Variants in COL4A2 observed in about 807,000 individuals in gnomAD.
COL4A2 encodes the protein collagen alpha-2(IV) chain.
In COL4A2, 99 loss-of-function variants were observed where a neutral mutation model predicts 200.2. The ratio of observed to expected loss-of-function variants is 0.49; its 90% CI spans 0.42 to 0.58. The LOEUF is 0.58. Among genes scored for constraint, COL4A2 ranks in the 20% least tolerant of loss-of-function variants. The pLI, the probability that COL4A2 is intolerant of heterozygous loss-of-function variation, is 0.00. For missense variants in COL4A2, 1,950 were observed against 2,314.1 expected, an observed-to-expected ratio of 0.84 and a Z score of 3.23; for synonymous variants, 897 against 900.6, an observed-to-expected ratio of 1.00 and a Z score of 0.07.
chr13:110,393,104 A>T (rs536728853), intron 4 of COL4A2, among the ~76,000 whole-genome samples: 11 of 152,326 alleles, frequency 7.2e-5, no homozygotes, highest in Admixed American at 5.2e-4. Context: ...GTGGTGCTGA[A>T]GGCAACAGTA....
chr13:110,320,195 C>T (rs1471364510), intron 3 of COL4A2, among the ~76,000 whole-genome samples: 1 of 152,202 alleles, frequency 6.6e-6, no homozygotes, highest in Non-Finnish European at 1.5e-5. Flanking sequence ...AGGAACAGTC[C>T]TAACCCATTA....
intron 4 of COL4A2, among the ~76,000 whole-genome samples, chr13:110,391,946 G>A (rs1051476748): frequency 6.6e-6 from 1 of 152,082 alleles, no homozygotes; most frequent in Non-Finnish European, 1.5e-5. Context: ...CTGCCCCCAC[G>A]TGTCTTGCAC....
chr13:110,482,213 C>G (rs1379764155), intron 31 of COL4A2, among the ~76,000 whole-genome samples: 1 of 152,252 alleles, frequency 6.6e-6, no homozygotes, highest in Admixed American at 6.5e-5. Flanking sequence ...CTTGATGGGC[C>G]TGTGGGCCAG....
At chr13:110,343,512 G>T (rs192519617) in intron 3 of COL4A2, among the ~76,000 whole-genome samples, 1 of 151,888 alleles carries the variant, frequency 6.6e-6, no homozygotes, top group Non-Finnish European at 1.5e-5. Flanking sequence ...GAGAAAGGGC[G>T]GGGCAGAAAT....
At chr13:110,468,331 C>G (rs746771433) in intron 27 of COL4A2, 2 of 462,418 alleles carry the variant, frequency 4.3e-6, no homozygotes, top group South Asian at 1.6e-5. Context: ...CTAATTCCAT[C>G]CATGGATTTC....
chr13:110,458,966 G>A (rs945264970), intron 22 of COL4A2, 32 bp downstream of exon 22: 9 of 1,507,580 alleles, frequency 6.0e-6, no homozygotes, highest in African/African-American at 1.4e-5. Flanking sequence ...AAGCTGGCAA[G>A]ACACTCTGAG....
At chr13:110,475,631 C>T (rs928713225) in intron 29 of COL4A2, among the ~76,000 whole-genome samples, 8 of 152,172 alleles carry the variant, frequency 5.3e-5, no homozygotes, top group African/African-American at 1.9e-4. Flanking sequence ...AAAATCCTGA[C>T]TCCCAAAGCA....
intron 4 of COL4A2, among the ~76,000 whole-genome samples, chr13:110,368,745 A>G (rs1476605730): frequency 6.6e-6 from 1 of 151,894 alleles, no homozygotes; most frequent in Non-Finnish European, 1.5e-5. Context: ...CATCCTGAGA[A>G]CATGTAATTA....
intron 4 of COL4A2, among the ~76,000 whole-genome samples, chr13:110,415,275 T>C (rs1287567986): frequency 6.6e-6 from 1 of 152,178 alleles, no homozygotes; most frequent in Non-Finnish European, 1.5e-5. Flanking sequence ...AATTTTATTG[T>C]ATGTAAATTA....
At chr13:110,442,989 C>T (rs377530967) in intron 16 of COL4A2, among the ~76,000 whole-genome samples, 2 of 152,130 alleles carry the variant, frequency 1.3e-5, no homozygotes, top group South Asian at 2.1e-4. Context: ...GAGGACTGTC[C>T]AGGACTTCAG....
rs140897608 is a variant in COL4A2 at position 110,363,858 on chromosome 13, G to A, written c.180+6306G>A. ...GTGTGGGTGTTTCCGTGGCTAGAGG[G>A]GTTCTGAAATTTTTGTATTTGTAGT... On this transcript the variant is annotated intron_variant, in intron 4 of 47. Transcript: ENST00000360467. Among the ~76,000 whole-genome samples the A allele has an allele frequency of 2.4e-4, 37 of 152,272 alleles. No individual in the cohort carries two copies. The East Asian group carries it at 7.0e-3, about 29-fold the overall frequency.
intron 4 of COL4A2, among the ~76,000 whole-genome samples, chr13:110,383,921 C>G (rs1447798892): frequency 6.6e-6 from 1 of 152,208 alleles, no homozygotes; most frequent in Non-Finnish European, 1.5e-5. Context: ...TGTGTCAGCC[C>G]TTTTCAAGCT....
At chr13:110,384,821 A>G (rs1282336999) in intron 4 of COL4A2, among the ~76,000 whole-genome samples, 3 of 152,204 alleles carry the variant, frequency 2.0e-5, no homozygotes, top group Admixed American at 2.0e-4. Context: ...CATAGAGCAG[A>G]CATGTAGCAG....
intron 3 of COL4A2, among the ~76,000 whole-genome samples, chr13:110,325,171 G>A (rs1355792707): frequency 1.3e-5 from 2 of 152,188 alleles, no homozygotes; most frequent in South Asian, 2.1e-4. Flanking sequence ...AGCCACATGT[G>A]TCCATAATAA....
chr13:110,354,073 A>G (rs1462816651), intron 3 of COL4A2, among the ~76,000 whole-genome samples: 2 of 152,246 alleles, frequency 1.3e-5, no homozygotes, highest in Non-Finnish European at 2.9e-5. Context: ...ATTTGAAACC[A>G]TTCAAATCAT....
chr13:110,352,655 G>A (rs1877014589), intron 3 of COL4A2, among the ~76,000 whole-genome samples: 1 of 152,202 alleles, frequency 6.6e-6, no homozygotes, highest in African/African-American at 2.4e-5. Flanking sequence ...TCTCACTGGT[G>A]CAGTTGAAGG....
At chr13:110,497,011 C>T (rs1883482772) in intron 40 of COL4A2, among the ~76,000 whole-genome samples, 1 of 151,396 alleles carries the variant, frequency 6.6e-6, no homozygotes. Flanking sequence ...CCAGCACAGC[C>T]TCAGTCAGGG....
chr13:110,405,311 G>A (rs2139434126), intron 4 of COL4A2, among the ~76,000 whole-genome samples: 1 of 152,272 alleles, frequency 6.6e-6, no homozygotes, highest in East Asian at 1.9e-4. Context: ...AGATGCTGGT[G>A]TATATTGTGG....
At chr13:110,442,984 C>T (rs758328675) in intron 16 of COL4A2, among the ~76,000 whole-genome samples, 1 of 152,174 alleles carries the variant, frequency 6.6e-6, no homozygotes, top group Non-Finnish European at 1.5e-5. Flanking sequence ...TCTATGAGGA[C>T]TGTCCAGGAC....
Sources: allele counts gnomAD v4.1 joint callset (sites outside exome capture counted in the v4.1 genomes callset), GRCh38; gene constraint gnomAD v4.1.1; transcripts MANE v1.5; gene names NCBI Gene and HGNC (gene_info 2026-07-23, HGNC 2026-07-21).